Variants in CDK5RAP2 observed in about 807,000 individuals in gnomAD.
The protein encoded by CDK5RAP2 is CDK5 regulatory subunit associated protein 2.
CDK5RAP2 carries 147 observed loss-of-function variants against 232.9 expected under a neutral mutation model. The ratio of observed to expected loss-of-function variants is 0.63; its 90% confidence interval spans 0.55 to 0.72. The LOEUF is 0.72. CDK5RAP2 is among the 30% of genes least tolerant of loss of function. CDK5RAP2 has a pLI of 0.00. For missense variants in CDK5RAP2, 2,195 were observed against 2,231.5 expected (o/e 0.98, Z 0.33); for synonymous variants, 833 against 833.7 (o/e 1.00, Z 0.01).
chr9:120,399,684 A>G (rs1057126561), intron 35 of CDK5RAP2, among the ~76,000 whole-genome samples: 1 of 152,220 alleles, frequency 6.6e-6, no homozygotes, highest in African/African-American at 2.4e-5. Flanking sequence ...GGAAAGACCA[A>G]TGTGGGGCTG....
At position 120,400,855 on chromosome 9, in the gene CDK5RAP2, C is replaced by T. The variant is rs1265808813; in HGVS notation, c.5338G>A (p.Val1780Met). The T allele has an allele frequency of 1.2e-6, 2 of 1,614,072 alleles. No homozygotes were observed. The highest frequency in any genetic ancestry group is 1.7e-6 in the Non-Finnish European group (2 of 1,180,044). Residue 1780 changes from valine (V) to methionine (M), a missense_variant, in exon 35 of 38, where the codon GTG (valine) becomes ATG (methionine). Coordinates refer to ENST00000349780, the MANE Select transcript of CDK5RAP2 (RefSeq NM_018249.6). ...GPHPAPLSKF[V>M]SSVSTAKLTL... Reference sequence around the variant, plus strand: ...AGCTTGGCCGTGCTCACACTGCTCACAAACTTGCTCAGTGGTGCTGGGTGT... The same window carrying T: ...AGCTTGGCCGTGCTCACACTGCTCATAAACTTGCTCAGTGGTGCTGGGTGT...
intron 10 of CDK5RAP2, among the ~76,000 whole-genome samples, chr9:120,525,371 C>T (rs554502772): frequency 6.6e-6 from 1 of 152,276 alleles, no homozygotes; most frequent in African/African-American, 2.4e-5. Context: ...TAAAATAATG[C>T]CTTGGTCATA....
intron 12 of CDK5RAP2, among the ~76,000 whole-genome samples, chr9:120,508,058 G>A (rs1396461117): frequency 6.7e-6 from 1 of 149,252 alleles, no homozygotes; most frequent in Non-Finnish European, 1.5e-5. Context: ...CCTCCAGCCA[G>A]CTAGTTTTGT....
At chr9:120,409,765 T>C (rs2131312879) in intron 29 of CDK5RAP2, among the ~76,000 whole-genome samples, 1 of 152,230 alleles carries the variant, frequency 6.6e-6, no homozygotes, top group East Asian at 1.9e-4. Context: ...AGGAATAAAA[T>C]ACACCCAGAG....
At position 120,404,316 on chromosome 9, in the gene CDK5RAP2, C is replaced by T. The variant is rs554858821; in HGVS notation, c.4964-203G>A. Among the ~76,000 whole-genome samples the T allele has an allele frequency of 2.6e-5, 4 of 152,322 alleles. No homozygotes were observed. In the South Asian group the frequency reaches 8.3e-4, roughly 32 times the overall value. On this transcript the variant is annotated intron_variant, in intron 32 of 37. Transcript: ENST00000349780. ...CAGAGTGACCAGGCCCAGTCCATTC[C>T]CTAGAAAAACTCTCAGCAGAAAAGT...
intron 3 of CDK5RAP2, among the ~76,000 whole-genome samples, chr9:120,553,376 G>C (rs1373790267): frequency 6.6e-6 from 1 of 152,116 alleles, no homozygotes; most frequent in Non-Finnish European, 1.5e-5. Context: ...TTCCTAGTAT[G>C]CTTCTATCAC....
At chr9:120,530,784 A>G (rs2041114076) in intron 7 of CDK5RAP2, among the ~76,000 whole-genome samples, 1 of 145,868 alleles carries the variant, frequency 6.9e-6, no homozygotes, top group African/African-American at 2.5e-5. Flanking sequence ...GCGTGTTCTC[A>G]CTCATAGGTG....
At chr9:120,568,192 A>C in intron 3 of CDK5RAP2, 129 bp downstream of exon 3, 1 of 779,028 alleles carries the variant, frequency 1.3e-6, no homozygotes, top group Non-Finnish European at 2.3e-6. Flanking sequence ...GATGTCCATG[A>C]GACATGGCAC....
At chr9:120,557,709 T>A (rs945540463) in intron 3 of CDK5RAP2, among the ~76,000 whole-genome samples, 1 of 151,196 alleles carries the variant, frequency 6.6e-6, no homozygotes, top group Non-Finnish European at 1.5e-5. Context: ...CAGTAAGCCA[T>A]GATCATGCTA....
chr9:120,425,388 T>C (rs2034830695), intron 25 of CDK5RAP2, among the ~76,000 whole-genome samples: 1 of 152,232 alleles, frequency 6.6e-6, no homozygotes, highest in South Asian at 2.1e-4. Context: ...ACCATCTGTC[T>C]GGCTATTCAA....
intron 20 of CDK5RAP2, among the ~76,000 whole-genome samples, chr9:120,455,911 TA>T (rs910180180): frequency 1.3e-5 from 2 of 151,612 alleles, no homozygotes; most frequent in African/African-American, 4.9e-5. Context: ...AAAATCAAGA[TA>T]AAAGTATCCA....
intron 25 of CDK5RAP2, among the ~76,000 whole-genome samples, chr9:120,434,578 TGA>T (rs754608681): frequency 5.1e-4 from 78 of 151,972 alleles, no homozygotes; most frequent in African/African-American, 1.8e-3. Flanking sequence ...AGCATCCAGG[TGA>T]GAGAAGAGAG....
chr9:120,411,088 G>A (rs1772148149), intron 29 of CDK5RAP2, among the ~76,000 whole-genome samples: 1 of 152,174 alleles, frequency 6.6e-6, no homozygotes, highest in Admixed American at 6.5e-5. Flanking sequence ...AACATTTACT[G>A]AGCCCCTATT....
At chr9:120,472,593 A>G (rs1373524014) in intron 15 of CDK5RAP2, among the ~76,000 whole-genome samples, 1 of 152,222 alleles carries the variant, frequency 6.6e-6, no homozygotes, top group East Asian at 1.9e-4. Context: ...GGACTAATCT[A>G]TTAGGGGCCA....
chr9:120,548,787 G>A (rs908009111), intron 4 of CDK5RAP2, among the ~76,000 whole-genome samples: 3 of 152,164 alleles, frequency 2.0e-5, no homozygotes, highest in African/African-American at 4.8e-5. Flanking sequence ...ACTCCAGCTC[G>A]GTGACAGAGT....
At chr9:120,532,451 C>T (rs1337009009) in intron 7 of CDK5RAP2, 1 of 152,106 alleles carries the variant, frequency 6.6e-6, no homozygotes, top group East Asian at 1.9e-4. Context: ...GTCCCTGGGC[C>T]CTAAAGATTC....
chr9:120,521,408 T>C (rs1165918324), intron 11 of CDK5RAP2, among the ~76,000 whole-genome samples: 2 of 152,098 alleles, frequency 1.3e-5, no homozygotes, highest in African/African-American at 4.8e-5. Context: ...TCCCCACATG[T>C]CATGGGAGGG....
chr9:120,433,325 A>T (rs1341690838), intron 25 of CDK5RAP2, among the ~76,000 whole-genome samples: 1 of 152,208 alleles, frequency 6.6e-6, no homozygotes, highest in Non-Finnish European at 1.5e-5. Flanking sequence ...TCTGAGGATT[A>T]AGCCCCAACT....
chr9:120,457,726 G>A (rs2036859933), intron 20 of CDK5RAP2, among the ~76,000 whole-genome samples: 1 of 152,194 alleles, frequency 6.6e-6, no homozygotes, highest in Non-Finnish European at 1.5e-5. Flanking sequence ...TATCCATTCA[G>A]GAGGAGAACT....
Sources: gnomAD v4.1 joint callset for allele counts (sites outside exome capture counted in the v4.1 genomes callset) on GRCh38, gnomAD v4.1.1 for gene constraint, MANE v1.5 for transcripts, NCBI Gene and HGNC (gene_info 2026-07-23, HGNC 2026-07-21) for gene names.